The following STAG1 variants were observed in gnomAD, a reference collection of about 807,000 sequenced individuals.
The protein encoded by STAG1 is cohesin subunit SA-1.
A neutral mutation model predicts 170.9 loss-of-function variants in STAG1; 26 were observed. The ratio of observed to expected loss-of-function variants is 0.15; its 90% CI spans 0.11 to 0.21. The LOEUF (loss-of-function observed/expected upper bound fraction) is 0.21. STAG1 is among the 10% of genes least tolerant of loss of function. The pLI, the probability that STAG1 is intolerant of heterozygous loss-of-function variation, is 1.00. For missense variants in STAG1, 964 were observed against 1,509.5 expected (o/e 0.64, Z 5.99); for synonymous variants, 514 against 497.7 (o/e 1.03, Z -0.44).
chr3:136,344,342 C>T (rs1936126853), intron 29 of STAG1, among the ~76,000 whole-genome samples: 1 of 152,148 alleles, frequency 6.6e-6, no homozygotes, highest in African/African-American at 2.4e-5. Context: ...GGGAAGATTG[C>T]AGCCAGCCAG....
At chr3:136,461,330 C>A (rs2089267752) in intron 13 of STAG1, among the ~76,000 whole-genome samples, 2 of 152,104 alleles carry the variant, frequency 1.3e-5, no homozygotes, top group South Asian at 4.1e-4. Context: ...CTAGTCAGAG[C>A]AGTTAGGCAA....
chr3:136,405,117 G>A (rs1193506270), intron 21 of STAG1, among the ~76,000 whole-genome samples: 4 of 150,974 alleles, frequency 2.6e-5, no homozygotes, highest in Non-Finnish European at 4.4e-5. Context: ...GTTAATATGA[G>A]CGACAATTAA....
intron 1 of STAG1, among the ~76,000 whole-genome samples, chr3:136,712,125 C>T (rs1943399683): frequency 6.6e-6 from 1 of 152,194 alleles, no homozygotes; most frequent in Non-Finnish European, 1.5e-5. Context: ...TCAAGCGATT[C>T]CCCTGCCTCA....
At chr3:136,558,195 C>T (rs1404255051) in intron 5 of STAG1, among the ~76,000 whole-genome samples, 2 of 152,006 alleles carry the variant, frequency 1.3e-5, no homozygotes, top group African/African-American at 4.8e-5. Context: ...AGTTTGAGAC[C>T]GGCCTGGCCA....
At chr3:136,498,257 C>CACATACATATCCAT (rs1553733396) in intron 9 of STAG1, among the ~76,000 whole-genome samples, 1 of 83,676 alleles carries the variant, frequency 1.2e-5, no homozygotes, top group Non-Finnish European at 2.1e-5. Flanking sequence ...CATACACACA[C>CACATACATATCCAT]ACACACACAC....
At chr3:136,365,747 C>G (rs765434069) in intron 25 of STAG1, among the ~76,000 whole-genome samples, 3 of 151,998 alleles carry the variant, frequency 2.0e-5, no homozygotes, top group Non-Finnish European at 4.4e-5. Context: ...TGGAAGCAAG[C>G]AGAAGTTTGC....
chr3:136,606,775 A>C (rs1938966965), intron 3 of STAG1, among the ~76,000 whole-genome samples: 1 of 140,132 alleles, frequency 7.1e-6, no homozygotes, highest in Non-Finnish European at 1.6e-5. Context: ...TTTGGGGACG[A>C]AGTTAACTTG....
chr3:136,530,428 C>T (rs111236920), intron 6 of STAG1, among the ~76,000 whole-genome samples: 8 of 152,230 alleles, frequency 5.3e-5, no homozygotes, highest in African/African-American at 1.4e-4. Context: ...TCTCTGAGAT[C>T]AGACAAAATT....
At chr3:136,622,313 G>A (rs1034029551) in intron 3 of STAG1, among the ~76,000 whole-genome samples, 18 of 151,714 alleles carry the variant, frequency 1.2e-4, no homozygotes, top group African/African-American at 3.4e-4. Context: ...AGTGAGACTC[G>A]ATCGGTGGGG....
intron 13 of STAG1, among the ~76,000 whole-genome samples, chr3:136,459,798 G>C (rs1343959266): frequency 1.3e-5 from 2 of 152,142 alleles, no homozygotes; most frequent in East Asian, 1.9e-4. Flanking sequence ...AATTTCGTGA[G>C]AGAAAAGAAA....
intron 1 of STAG1, among the ~76,000 whole-genome samples, chr3:136,741,323 T>TTCTA (rs2107951409): frequency 6.6e-6 from 1 of 152,358 alleles, no homozygotes; most frequent in East Asian, 1.9e-4. Context: ...TTTCAATGAC[T>TTCTA]TCTACCATAA....
chr3:136,417,600 T>C (rs970091923), intron 21 of STAG1: 2 of 268,540 alleles, frequency 7.4e-6, no homozygotes, highest in Non-Finnish European at 7.1e-6. Context: ...AGTTTTAAAA[T>C]TGCTGCCATA....
intron 1 of STAG1, among the ~76,000 whole-genome samples, chr3:136,659,496 C>T (rs537073586): frequency 6.6e-6 from 1 of 152,224 alleles, no homozygotes; most frequent in African/African-American, 2.4e-5. Context: ...TTCTGAAATA[C>T]GTGTTATGCA....
intron 1 of STAG1, among the ~76,000 whole-genome samples, chr3:136,693,709 CA>C (rs1942796859): frequency 6.6e-6 from 1 of 151,910 alleles, no homozygotes; most frequent in African/African-American, 2.4e-5. Context: ...GCTAGGACCA[CA>C]AGTGCACACC....
intron 12 of STAG1, among the ~76,000 whole-genome samples, chr3:136,465,514 C>T (rs551079017): frequency 1.6e-5 from 2 of 128,244 alleles, no homozygotes; most frequent in African/African-American, 5.8e-5. Flanking sequence ...AGTCACTGTG[C>T]CTGGCCGCCT....
At chr3:136,626,189 A>G (rs1940083906) in intron 2 of STAG1, among the ~76,000 whole-genome samples, 1 of 152,244 alleles carries the variant, frequency 6.6e-6, no homozygotes, top group South Asian at 2.1e-4. Context: ...GCACTTTGGG[A>G]GGCCAAGGCC....
At chr3:136,580,749 G>A (rs1248560059) in intron 4 of STAG1, among the ~76,000 whole-genome samples, 8 of 151,242 alleles carry the variant, frequency 5.3e-5, no homozygotes, top group Non-Finnish European at 2.9e-5. Context: ...TAGCCAGGAT[G>A]GTCTCGATCT....
chr3:136,603,670 G>A (rs1938795873), intron 4 of STAG1, among the ~76,000 whole-genome samples: 1 of 152,116 alleles, frequency 6.6e-6, no homozygotes, highest in South Asian at 2.1e-4. Flanking sequence ...GGATCACGAG[G>A]TCAGCAGATC....
intron 13 of STAG1, among the ~76,000 whole-genome samples, chr3:136,463,834 T>TAC (rs2089359522): frequency 7.0e-6 from 1 of 142,480 alleles, no homozygotes; most frequent in African/African-American, 2.6e-5. Flanking sequence ...CATATATACA[T>TAC]ATATACATAC....
Sources: gnomAD v4.1 joint callset for allele counts (sites outside exome capture counted in the v4.1 genomes callset) on GRCh38, gnomAD v4.1.1 for gene constraint, MANE v1.5 for transcripts, NCBI Gene and HGNC (gene_info 2026-07-23, HGNC 2026-07-21) for gene names.